The following DENND1A variants were observed in gnomAD, a reference collection of about 807,000 sequenced individuals.
DENND1A encodes the protein DENN domain-containing protein 1A.
DENND1A carries 51 observed loss-of-function variants against 113.7 expected under a neutral mutation model. The observed-to-expected ratio is 0.45, with a 90% CI of 0.36 to 0.57. DENND1A has a LOEUF of 0.57. Among genes scored for constraint, DENND1A ranks in the 20% least tolerant of loss-of-function variants. DENND1A has a pLI of 0.00. For missense variants in DENND1A, 1,258 were observed against 1,395.9 expected, an observed-to-expected ratio of 0.90 and a Z score of 1.57; for synonymous variants, 565 against 570.8, an observed-to-expected ratio of 0.99 and a Z score of 0.14.
chr9:123,538,426 T>C (rs184880533), intron 13 of DENND1A, among the ~76,000 whole-genome samples: 163 of 152,252 alleles, frequency 1.1e-3, no homozygotes, highest in African/African-American at 3.8e-3. Flanking sequence ...TCTTGAGATA[T>C]AATTTCTCAC....
intron 5 of DENND1A, among the ~76,000 whole-genome samples, chr9:123,734,336 ACAT>A (rs1016928438): frequency 5.9e-5 from 9 of 152,224 alleles, no homozygotes; most frequent in Admixed American, 2.6e-4. Context: ...CTACTCATTT[ACAT>A]AATAATTTAA....
intron 1 of DENND1A, among the ~76,000 whole-genome samples, chr9:123,914,541 T>A (rs1213032187): frequency 9.7e-6 from 1 of 103,414 alleles, no homozygotes; most frequent in African/African-American, 5.9e-5. Flanking sequence ...CAAGACTCCA[T>A]CTCAAAAAAA....
intron 3 of DENND1A, among the ~76,000 whole-genome samples, chr9:123,774,863 G>T (rs1279933378): frequency 1.3e-5 from 2 of 152,026 alleles, no homozygotes; most frequent in African/African-American, 2.4e-5. Context: ...TATAAACTGT[G>T]TATCTAAATT....
chr9:123,797,801 T>C (rs1834003895), intron 2 of DENND1A, among the ~76,000 whole-genome samples: 1 of 152,120 alleles, frequency 6.6e-6, no homozygotes, highest in South Asian at 2.1e-4. Flanking sequence ...CATGTTTTCC[T>C]TTTTTTGACA....
chr9:123,885,942 G>A (rs1004719387), intron 1 of DENND1A, among the ~76,000 whole-genome samples: 2 of 152,056 alleles, frequency 1.3e-5, no homozygotes, highest in Admixed American at 1.3e-4. Flanking sequence ...ACCATGTCCG[G>A]GATTTTTGTA....
At chr9:123,608,979 G>A (rs1313916026) in intron 11 of DENND1A, among the ~76,000 whole-genome samples, 2 of 152,126 alleles carry the variant, frequency 1.3e-5, no homozygotes, top group Non-Finnish European at 2.9e-5. Flanking sequence ...TAAAGACCAA[G>A]AGGGAGATTA....
chr9:123,436,210 T>TC (rs370928157), intron 19 of DENND1A, among the ~76,000 whole-genome samples: 30 of 152,302 alleles, frequency 2.0e-4, no homozygotes, highest in African/African-American at 7.2e-4. Context: ...AAGAATGCCT[T>TC]CCCGGGGAGT....
chr9:123,553,940 T>C (rs1048047553), intron 13 of DENND1A, among the ~76,000 whole-genome samples: 9 of 152,288 alleles, frequency 5.9e-5, no homozygotes, highest in South Asian at 4.1e-4. Flanking sequence ...GTATTTTTAG[T>C]AGAGACAGGA....
At chr9:123,384,628 T>C (rs988157315) in intron 22 of DENND1A, among the ~76,000 whole-genome samples, 1 of 152,168 alleles carries the variant, frequency 6.6e-6, no homozygotes, top group Non-Finnish European at 1.5e-5. Context: ...TGCTAGCAGC[T>C]TTCTGTACTT....
intron 2 of DENND1A, among the ~76,000 whole-genome samples, chr9:123,816,841 G>C (rs893540333): frequency 6.6e-5 from 10 of 152,174 alleles, no homozygotes; most frequent in Non-Finnish European, 1.2e-4. Flanking sequence ...ATACATAAAA[G>C]AGGAAAATAG....
intron 8 of DENND1A, among the ~76,000 whole-genome samples, 173 bp downstream of exon 8, chr9:123,666,847 ATTTGTT>A (rs967222276): frequency 6.6e-6 from 1 of 152,042 alleles, no homozygotes; most frequent in African/African-American, 2.4e-5. Flanking sequence ...AATATTCTCT[ATTTGTT>A]TTTGTTTTTA....
At chr9:123,414,145 T>G in intron 19 of DENND1A, 1 of 1,002,752 alleles carries the variant, frequency 1.0e-6, no homozygotes, top group Non-Finnish European at 1.2e-6. Flanking sequence ...AGTTCTCCCA[T>G]TTACTCCCTG....
intron 18 of DENND1A, among the ~76,000 whole-genome samples, chr9:123,448,804 A>G (rs940184776): frequency 6.6e-6 from 1 of 152,192 alleles, no homozygotes; most frequent in African/African-American, 2.4e-5. Context: ...AGAGCAAATT[A>G]TTTTCCAATT....
At chr9:123,530,135 C>T (rs2135324828) in intron 13 of DENND1A, among the ~76,000 whole-genome samples, 1 of 152,078 alleles carries the variant, frequency 6.6e-6, no homozygotes, top group East Asian at 1.9e-4. Context: ...AATAAAAAAA[C>T]AAAAAACTAG....
intron 18 of DENND1A, among the ~76,000 whole-genome samples, chr9:123,443,194 T>C (rs1274713255): frequency 6.6e-6 from 1 of 152,184 alleles, no homozygotes; most frequent in African/African-American, 2.4e-5. Flanking sequence ...TTTTATGCCA[T>C]ATCATCCCAT....
At chr9:123,569,092 T>A (rs2058216723) in intron 12 of DENND1A, among the ~76,000 whole-genome samples, 1 of 152,132 alleles carries the variant, frequency 6.6e-6, no homozygotes, top group South Asian at 2.1e-4. Flanking sequence ...GTAGCCAAGA[T>A]TCCAAGCATT....
chr9:123,742,614 G>A lies in DENND1A; in HGVS notation c.302+15089C>T, dbSNP rs1339223846. On this transcript the variant is annotated intron_variant, in intron 5 of 23. Coordinates refer to ENST00000394215, the MANE Select transcript of DENND1A (RefSeq NM_001352964.2). ...TGGCAAATCAAAGGGCTTGAGTGGGGAAGGGAAGGAATTCAGCTGGATCAC... is the reference window on the plus strand; with the variant it reads ...TGGCAAATCAAAGGGCTTGAGTGGGAAAGGGAAGGAATTCAGCTGGATCAC... Among the ~76,000 whole-genome samples the A allele has an allele frequency of 2.6e-5, 4 of 152,280 alleles. No individual in the cohort carries two copies. In the East Asian group the frequency reaches 5.8e-4, roughly 22 times the overall value.
chr9:123,878,980 G>C lies in DENND1A; in HGVS notation c.59C>G (p.Ala20Gly), dbSNP rs1163620967. The change falls in exon 2 of 24, where the codon GCC becomes GGC. Residue 20 changes from alanine to glycine, a missense_variant. Ala to Gly is a moderately conservative substitution (Grantham distance 60). This residue lies in a region of DENND1A where 99 missense variants were observed against 164.2 expected (regional missense o/e 0.60). Coordinates refer to ENST00000394215, the MANE Select transcript of DENND1A (RefSeq NM_001352964.2). ...ETTFEVYVEV[A>G]YPRTGGTLSD... ...AAGAGTGCCACCTGTCCTGGGATAGGCCACTTCAACATATACTTCAAATGT... is the reference window on the plus strand; with the variant it reads ...AAGAGTGCCACCTGTCCTGGGATAGCCCACTTCAACATATACTTCAAATGT... The C allele has an allele frequency of 2.8e-5, 45 of 1,613,686 alleles. No individual in the cohort carries two copies. The highest frequency in any genetic ancestry group is 3.7e-5 in the Non-Finnish European group (44 of 1,179,908).
chr9:123,681,324 G>C (rs2064437812), intron 5 of DENND1A, among the ~76,000 whole-genome samples: 1 of 150,812 alleles, frequency 6.6e-6, no homozygotes, highest in Admixed American at 6.6e-5. Flanking sequence ...ACCAAAGTGG[G>C]GGTCGGGGGA....
Sources: allele counts gnomAD v4.1 joint callset (sites outside exome capture counted in the v4.1 genomes callset), GRCh38; gene constraint gnomAD v4.1.1; regional missense constraint gnomAD v4.1.1; transcripts MANE v1.5; gene names NCBI Gene and HGNC (gene_info 2026-07-23, HGNC 2026-07-21).